Variants in BBS9 observed in about 807,000 individuals in gnomAD.
BBS9 encodes the protein protein PTHB1.
A neutral mutation model predicts 117.7 loss-of-function variants in BBS9; 89 were observed. The observed-to-expected ratio is 0.76, with a 90% CI of 0.64 to 0.90. BBS9 has a LOEUF of 0.90. Among genes scored for constraint, BBS9 ranks in the 40% least tolerant of loss-of-function variants. The probability of loss-of-function intolerance (pLI) is 0.00; values close to 1 mark genes in which losing one functional copy is unlikely to be tolerated. For missense variants in BBS9, 982 were observed against 1,042.2 expected, an observed-to-expected ratio of 0.94 and a Z score of 0.80; for synonymous variants, 379 against 370.9, an observed-to-expected ratio of 1.02 and a Z score of -0.25.
intron 21 of BBS9, among the ~76,000 whole-genome samples, chr7:33,588,062 A>C (rs948617638): frequency 6.6e-6 from 1 of 152,106 alleles, no homozygotes; most frequent in Non-Finnish European, 1.5e-5. Flanking sequence ...AACTATTATC[A>C]AGAACTGGAA....
intron 5 of BBS9, among the ~76,000 whole-genome samples, chr7:33,191,403 G>A (rs1032629928): frequency 3.9e-5 from 6 of 152,182 alleles, no homozygotes; most frequent in Non-Finnish European, 8.8e-5. Context: ...ACCTGGTTCT[G>A]TAGCATTAAT....
intron 15 of BBS9, among the ~76,000 whole-genome samples, chr7:33,356,390 A>G (rs1819619723): frequency 6.6e-6 from 1 of 151,812 alleles, no homozygotes; most frequent in African/African-American, 2.4e-5. Flanking sequence ...ATCATTGTAA[A>G]GTACAAATAC....
chr7:33,278,628 T>A (rs189475308), intron 9 of BBS9, among the ~76,000 whole-genome samples: 1 of 152,300 alleles, frequency 6.6e-6, no homozygotes, highest in African/African-American at 2.4e-5. Context: ...ACAGATTTTT[T>A]AATAAGAGGC....
At chr7:33,181,772 C>T (rs1184968130) in intron 5 of BBS9, among the ~76,000 whole-genome samples, 1 of 152,184 alleles carries the variant, frequency 6.6e-6, no homozygotes, top group Non-Finnish European at 1.5e-5. Context: ...AAACCTTTGG[C>T]TTTTTCCCAT....
At chr7:33,439,724 T>G (rs1283246431) in intron 19 of BBS9, among the ~76,000 whole-genome samples, 1 of 152,148 alleles carries the variant, frequency 6.6e-6, no homozygotes, top group Non-Finnish European at 1.5e-5. Flanking sequence ...AGACAGGGTT[T>G]CACCATGTTG....
chr7:33,589,654 A>G (rs1861532806), intron 21 of BBS9, among the ~76,000 whole-genome samples: 1 of 152,072 alleles, frequency 6.6e-6, no homozygotes, highest in Non-Finnish European at 1.5e-5. Flanking sequence ...TGGAGTTGAG[A>G]TGGGGAAGGC....
At chr7:33,489,331 C>CTTTTT (rs35199510) in intron 19 of BBS9, among the ~76,000 whole-genome samples, 37 of 86,224 alleles carry the variant, frequency 4.3e-4, no homozygotes, top group South Asian at 1.0e-3. Context: ...CCACTTATGG[C>CTTTTT]TTTTTTTTTT....
chr7:33,541,250 A>G (rs565164898), intron 21 of BBS9, among the ~76,000 whole-genome samples: 3 of 152,212 alleles, frequency 2.0e-5, no homozygotes, highest in South Asian at 2.1e-4. Context: ...ATGTTACTCA[A>G]TGCCCAGGCC....
At chr7:33,268,717 T>C (rs1031941318) in intron 7 of BBS9, among the ~76,000 whole-genome samples, 1 of 152,174 alleles carries the variant, frequency 6.6e-6, no homozygotes, top group Non-Finnish European at 1.5e-5. Flanking sequence ...TGTATTTCCC[T>C]AAGTGGAGGT....
chr7:33,193,245 T>C (rs1390215465), intron 5 of BBS9, among the ~76,000 whole-genome samples: 2 of 152,160 alleles, frequency 1.3e-5, no homozygotes, highest in African/African-American at 4.8e-5. Flanking sequence ...TTTTTTGTTG[T>C]TTTAGTTATT....
chr7:33,374,392 A>G (rs1170960671), intron 17 of BBS9, among the ~76,000 whole-genome samples: 1 of 152,172 alleles, frequency 6.6e-6, no homozygotes, highest in Non-Finnish European at 1.5e-5. Flanking sequence ...TCTAAGGTCA[A>G]CTGATGCCCA....
intron 19 of BBS9, among the ~76,000 whole-genome samples, chr7:33,478,381 T>A (rs573421705): frequency 6.6e-6 from 1 of 152,206 alleles, no homozygotes; most frequent in Non-Finnish European, 1.5e-5. Flanking sequence ...TATGTAATTT[T>A]ATTATTCATT....
intron 4 of BBS9, among the ~76,000 whole-genome samples, chr7:33,168,679 T>G (rs553776832): frequency 6.6e-6 from 1 of 152,178 alleles, no homozygotes; most frequent in South Asian, 2.1e-4. Flanking sequence ...CTTTCTATAT[T>G]CATCTTGTTT....
At chr7:33,565,548 T>C (rs907250671) in intron 21 of BBS9, among the ~76,000 whole-genome samples, 1 of 151,892 alleles carries the variant, frequency 6.6e-6, no homozygotes, top group Non-Finnish European at 1.5e-5. Context: ...TCCCTGTCTT[T>C]TTGTTTTCCA....
chr7:33,451,140 G>A lies in BBS9; in HGVS notation c.2116-54323G>A, dbSNP rs562327420. 1.3e-4 allele frequency among the ~76,000 whole-genome samples: 19 copies of A among 151,992 alleles called. No individual in the cohort carries two copies. In the South Asian group the frequency reaches 2.7e-3, roughly 22 times the overall value. On this transcript the variant is annotated intron_variant, in intron 19 of 22. Transcript: ENST00000242067. Reference sequence around the variant, plus strand: ...CCTGACCTCGTGATCTGCCTGCCTCGGCCTCCCAAAGTGCTGGGATTACAG... The same window carrying A: ...CCTGACCTCGTGATCTGCCTGCCTCAGCCTCCCAAAGTGCTGGGATTACAG...
At chr7:33,469,901 T>A (rs984149990) in intron 19 of BBS9, among the ~76,000 whole-genome samples, 1 of 152,192 alleles carries the variant, frequency 6.6e-6, no homozygotes, top group Non-Finnish European at 1.5e-5. Flanking sequence ...GTTGTCTTGA[T>A]TTTCTTAAAA....
At chr7:33,312,937 G>A (rs768081514) in intron 9 of BBS9, among the ~76,000 whole-genome samples, 16 of 151,956 alleles carry the variant, frequency 1.1e-4, no homozygotes, top group Non-Finnish European at 1.8e-4. Context: ...CTAATTCTGA[G>A]AACTATGCTT....
chr7:33,342,940 A>G (rs750639096), intron 11 of BBS9, among the ~76,000 whole-genome samples: 8 of 152,200 alleles, frequency 5.3e-5, no homozygotes, highest in Non-Finnish European at 8.8e-5. Context: ...GAAAGCACAC[A>G]TCTCAAAAAA....
At chr7:33,164,220 T>C (rs1795308566) in intron 4 of BBS9, among the ~76,000 whole-genome samples, 1 of 152,226 alleles carries the variant, frequency 6.6e-6, no homozygotes, top group African/African-American at 2.4e-5. Context: ...TTCTGTTCTT[T>C]TGCATTTGCT....
Sources: allele counts gnomAD v4.1 joint callset (sites outside exome capture counted in the v4.1 genomes callset), GRCh38; gene constraint gnomAD v4.1.1; transcripts MANE v1.5; gene names NCBI Gene and HGNC (gene_info 2026-07-23, HGNC 2026-07-21).